The following CDH13 variants were observed in gnomAD, a reference collection of about 807,000 sequenced individuals.
CDH13 encodes the protein cadherin-13.
A neutral mutation model predicts 63.8 loss-of-function variants in CDH13; 24 were observed. The observed-to-expected ratio is 0.38, with a 90% CI of 0.27 to 0.53. The LOEUF (loss-of-function observed/expected upper bound fraction) is 0.53, where lower values mean the gene tolerates loss of function less well. Ranked by LOEUF, CDH13 falls within the 20% of genes least tolerant of loss-of-function variation. The pLI is 0.85. For missense variants in CDH13, 1,049 were observed against 903.1 expected (o/e 1.16, Z -2.07); for synonymous variants, 503 against 355.3 (o/e 1.42, Z -4.67).
At chr16:82,830,595 C>A (rs1247723150) in intron 1 of CDH13, among the ~76,000 whole-genome samples, 1 of 152,212 alleles carries the variant, frequency 6.6e-6, no homozygotes, top group African/African-American at 2.4e-5. Flanking sequence ...TCTTTCCTCA[C>A]ACTCATCTTA....
chr16:83,021,778 A>G (rs1915370944), intron 2 of CDH13, among the ~76,000 whole-genome samples: 1 of 152,178 alleles, frequency 6.6e-6, no homozygotes, highest in Non-Finnish European at 1.5e-5. Context: ...TCATGGCTAG[A>G]ATACTCCCAG....
intron 1 of CDH13, among the ~76,000 whole-genome samples, chr16:82,846,003 C>A (rs1292244957): frequency 6.6e-6 from 1 of 152,148 alleles, no homozygotes; most frequent in Admixed American, 6.5e-5. Flanking sequence ...GTGAATTGTT[C>A]TTGGCTCTGT....
At chr16:83,624,461 C>G (rs11645892) in intron 8 of CDH13, among the ~76,000 whole-genome samples, 1 of 151,980 alleles carries the variant, frequency 6.6e-6, no homozygotes, top group Non-Finnish European at 1.5e-5. Context: ...TGACACTGTT[C>G]CACCTTAGAT....
intron 10 of CDH13, among the ~76,000 whole-genome samples, chr16:83,745,284 G>A (rs1912469750): frequency 6.6e-6 from 1 of 152,180 alleles, no homozygotes; most frequent in South Asian, 2.1e-4. Context: ...CTGCAGTTTG[G>A]GGGTCTGGTA....
intron 6 of CDH13, among the ~76,000 whole-genome samples, chr16:83,359,752 G>A (rs756037681): frequency 7.4e-4 from 113 of 152,258 alleles, no homozygotes; most frequent in Non-Finnish European, 1.4e-3. Context: ...TGGTTGTCAG[G>A]ATTCTCTCTC....
intron 2 of CDH13, among the ~76,000 whole-genome samples, chr16:82,981,541 A>G (rs1910265659): frequency 6.6e-6 from 1 of 152,056 alleles, no homozygotes; most frequent in African/African-American, 2.4e-5. Flanking sequence ...CCTTTAAACT[A>G]GTCTTCCCCT....
Position 83,584,339 on chromosome 16 carries a change from A to T in CDH13, c.961-18115A>T, listed in dbSNP as rs191474089. ...GCAAGACTGCATCTCAAAAATTTTT[A>T]AAAAATGCATGGTTTTTGCTTCCAA... On this transcript the variant is annotated intron_variant, in intron 7 of 13. Transcript: ENST00000567109. Among the ~76,000 whole-genome samples, 997 of 152,302 alleles carry T rather than the reference A, an allele frequency of 6.5e-3. 6 individuals carry two copies. Among genetic ancestry groups the T allele is most frequent in the African/African-American group, 0.018 (767 of 41,572 alleles).
At chr16:83,519,565 T>G (rs533221467) in intron 7 of CDH13, among the ~76,000 whole-genome samples, 3 of 152,202 alleles carry the variant, frequency 2.0e-5, no homozygotes, top group African/African-American at 7.2e-5. Flanking sequence ...ACTAATCCAG[T>G]TATAAGTTTA....
At chr16:83,054,436 C>G (rs1178815444) in intron 3 of CDH13, among the ~76,000 whole-genome samples, 1 of 152,166 alleles carries the variant, frequency 6.6e-6, no homozygotes, top group Non-Finnish European at 1.5e-5. Context: ...CAGCAGTTGA[C>G]ATAACTACAC....
At chr16:83,026,977 A>G (rs1567757356) in intron 2 of CDH13, among the ~76,000 whole-genome samples, 1 of 152,080 alleles carries the variant, frequency 6.6e-6, no homozygotes, top group Admixed American at 6.6e-5. Context: ...GGGAGAGCAT[A>G]GCTGAGTTCT....
chr16:82,641,775 G>C (rs1909429655), intron 1 of CDH13, among the ~76,000 whole-genome samples: 1 of 152,178 alleles, frequency 6.6e-6, no homozygotes, highest in South Asian at 2.1e-4. Context: ...TCTAGGCACT[G>C]GGAATACAGA....
intron 4 of CDH13, among the ~76,000 whole-genome samples, chr16:83,184,328 C>T (rs1375862094): frequency 6.6e-5 from 10 of 152,050 alleles, no homozygotes; most frequent in East Asian, 1.9e-4. Flanking sequence ...AAAACTCTGT[C>T]GACTCTTTGC....
At chr16:82,696,286 T>G (rs1252713670) in intron 1 of CDH13, among the ~76,000 whole-genome samples, 1 of 152,220 alleles carries the variant, frequency 6.6e-6, no homozygotes, top group Non-Finnish European at 1.5e-5. Flanking sequence ...TACTAAAAAG[T>G]GTCACTCACT....
chr16:83,329,089 C>A lies in CDH13; in HGVS notation c.637-15773C>A, dbSNP rs148087562. On this transcript the variant is annotated intron_variant, in intron 5 of 13. Coordinates refer to ENST00000567109, the MANE Select transcript of CDH13 (RefSeq NM_001257.5). ...CTTCCCCGAAGCACAAATCTCTGGGCCACTGTATCAGAATTATGTGGGATG... is the reference window on the plus strand; with the variant it reads ...CTTCCCCGAAGCACAAATCTCTGGGACACTGTATCAGAATTATGTGGGATG... Among the ~76,000 whole-genome samples, 162 of 152,286 alleles carry A rather than the reference C, an allele frequency of 1.1e-3. 1 individual carries two copies. Among genetic ancestry groups the A allele is most frequent in the Middle Eastern group, 3.4e-3 (1 of 294 alleles).
chr16:83,368,620 C>G (rs946583114), intron 6 of CDH13, among the ~76,000 whole-genome samples: 24 of 151,716 alleles, frequency 1.6e-4, no homozygotes, highest in African/African-American at 5.6e-4. Flanking sequence ...GTACCCATCA[C>G]CCGAGCAGTG....
intron 3 of CDH13, among the ~76,000 whole-genome samples, chr16:83,058,941 A>T (rs942995254): frequency 6.6e-6 from 1 of 152,112 alleles, no homozygotes; most frequent in Non-Finnish European, 1.5e-5. Flanking sequence ...ACCTCTTGTT[A>T]TGTGCAAATC....
chr16:83,698,041 C>T (rs1017969854), intron 10 of CDH13, among the ~76,000 whole-genome samples: 18 of 152,238 alleles, frequency 1.2e-4, no homozygotes, highest in Admixed American at 1.2e-3. Context: ...CCACACTAAA[C>T]TGTAAACCCC....
intron 1 of CDH13, among the ~76,000 whole-genome samples, chr16:82,694,833 AC>A (rs1445408090): frequency 1.3e-5 from 2 of 152,196 alleles, no homozygotes; most frequent in African/African-American, 4.8e-5. Context: ...TGTAAAGTGG[AC>A]AGCTGTGGTC....
At chr16:83,527,308 G>A (rs892243133) in intron 7 of CDH13, among the ~76,000 whole-genome samples, 3 of 151,994 alleles carry the variant, frequency 2.0e-5, no homozygotes, top group African/African-American at 7.2e-5. Context: ...AATTAGCTGG[G>A]CATGGTGGCA....
Sources: gnomAD v4.1 joint callset for allele counts (sites outside exome capture counted in the v4.1 genomes callset) on GRCh38, gnomAD v4.1.1 for gene constraint, MANE v1.5 for transcripts, NCBI Gene and HGNC (gene_info 2026-07-23, HGNC 2026-07-21) for gene names.